ABCA4: variants seen among roughly 807,000 people sequenced by gnomAD.
ABCA4 encodes the protein ATP binding cassette subfamily A member 4.
A neutral mutation model predicts 263.7 loss-of-function variants in ABCA4; 196 were observed. That is an observed-to-expected ratio of 0.74 (90% CI 0.66 to 0.84). ABCA4 has a LOEUF of 0.84. ABCA4 is among the 40% of genes least tolerant of loss of function. ABCA4 has a pLI of 0.00. For missense variants in ABCA4, 2,792 were observed against 2,855.1 expected, an observed-to-expected ratio of 0.98 and a Z score of 0.50; for synonymous variants, 1,133 against 1,094.2, an observed-to-expected ratio of 1.04 and a Z score of -0.70.
At chr1:93,995,978 G>C in intron 49 of ABCA4, 131 bp downstream of exon 49, 1 of 750,656 alleles carries the variant, frequency 1.3e-6, no homozygotes, top group Non-Finnish European at 2.3e-6. Flanking sequence ...ACTTGGTAGG[G>C]ACCGTGGTGT....
chr1:94,042,098 CAAAAAAAAAAAAAA>C (rs11334956), intron 22 of ABCA4, among the ~76,000 whole-genome samples: 1 of 81,272 alleles, frequency 1.2e-5, no homozygotes, highest in Non-Finnish European at 2.3e-5. Flanking sequence ...GATTCTGTCT[CAAAAAAAAAAAAAA>C]AAAAAAAAGA....
intron 4 of ABCA4, among the ~76,000 whole-genome samples, chr1:94,107,286 G>A (rs1662460286): frequency 6.6e-6 from 1 of 152,100 alleles, no homozygotes; most frequent in Admixed American, 6.5e-5. Flanking sequence ...CCCGTTTCCT[G>A]GGCAATCTCC....
At chr1:94,046,258 C>T (rs1426483952) in intron 19 of ABCA4, among the ~76,000 whole-genome samples, 8 of 120,056 alleles carry the variant, frequency 6.7e-5, no homozygotes, top group Admixed American at 5.0e-4. Context: ...GCCTGGCCAA[C>T]ATGGTGAAAC....
intron 44 of ABCA4, 84 bp downstream of exon 44, chr1:94,005,357 T>C: frequency 6.5e-7 from 1 of 1,546,040 alleles, no homozygotes. Flanking sequence ...CGCTTCAGTT[T>C]CTCATCTCCA....
intron 37 of ABCA4, among the ~76,000 whole-genome samples, 163 bp from the exon 38 acceptor site, chr1:94,014,853 C>T (rs541233482): frequency 6.6e-6 from 1 of 152,336 alleles, no homozygotes; most frequent in South Asian, 2.1e-4. Flanking sequence ...CTCTGTGCCT[C>T]AACTTTAAAT....
chr1:94,044,094 TTTCCTTCC>T (rs1218365138), intron 20 of ABCA4, among the ~76,000 whole-genome samples: 5 of 12,156 alleles, frequency 4.1e-4, no homozygotes, highest in African/African-American at 4.9e-4. Context: ...CCCTCCCTTC[TTTCCTTCC>T]TTCCTTCCTT....
chr1:94,100,853 C>T (rs1049637351), intron 5 of ABCA4, among the ~76,000 whole-genome samples: 4 of 152,260 alleles, frequency 2.6e-5, no homozygotes, highest in Non-Finnish European at 4.4e-5. Context: ...ACGTTGCCAT[C>T]GTGATGGACA....
chr1:93,996,116 T>C lies in ABCA4; in HGVS notation c.6809A>G (p.Gln2270Arg). ...CATAAGCAGCAGGGGTACCTGGGCT[T>C]GTCGACTGGCTCCAGCAGCTCGAGG... The part of the protein sequence containing the change: ...LHPRAAGASR[Q>R]AQD Residue 2270 changes from glutamine to arginine, a missense_variant, in exon 49 of 50, where the codon CAA becomes CGA. Transcript: ENST00000370225. The C allele has an allele frequency of 6.2e-7, 1 of 1,613,952 alleles. No individual in the cohort carries two copies. The highest frequency in any genetic ancestry group is 8.5e-7 in the Non-Finnish European group (1 of 1,180,010).
chr1:94,044,868 T>A, intron 19 of ABCA4, 124 bp from the exon 20 acceptor site: 1 of 1,494,990 alleles, frequency 6.7e-7, no homozygotes, highest in Non-Finnish European at 9.3e-7. Flanking sequence ...TCAGTCAAAC[T>A]CAAACCCCTA....
chr1:94,097,610 A>G (rs181118722), intron 6 of ABCA4, among the ~76,000 whole-genome samples: 3 of 152,330 alleles, frequency 2.0e-5, no homozygotes, highest in African/African-American at 7.2e-5. Context: ...TGTGGCCTAC[A>G]ATGGTCTTCA....
At chr1:94,019,423 T>C in intron 36 of ABCA4, 159 bp downstream of exon 36, 1 of 789,708 alleles carries the variant, frequency 1.3e-6, no homozygotes, top group South Asian at 1.8e-5. Context: ...TCTGAGAAGA[T>C]GTCAAGGGAC....
chr1:94,061,958 C>T (rs968228601), intron 13 of ABCA4, among the ~76,000 whole-genome samples: 2 of 152,156 alleles, frequency 1.3e-5, no homozygotes, highest in African/African-American at 4.8e-5. Flanking sequence ...ACCCTCCACC[C>T]CGGCCCTTTC....
At chr1:94,059,089 T>C (rs1405345904) in intron 14 of ABCA4, among the ~76,000 whole-genome samples, 1 of 152,258 alleles carries the variant, frequency 6.6e-6, no homozygotes, top group Non-Finnish European at 1.5e-5. Flanking sequence ...GAAGACCTAA[T>C]GGCCCATTCT....
intron 43 of ABCA4, among the ~76,000 whole-genome samples, chr1:94,006,767 G>A (rs1045741839): frequency 6.6e-6 from 1 of 152,220 alleles, no homozygotes; most frequent in Non-Finnish European, 1.5e-5. Context: ...TGCTGAGGAT[G>A]GCTTTCAGGA....
At chr1:94,034,456 T>C (rs34541136) in intron 26 of ABCA4, among the ~76,000 whole-genome samples, 79,915 of 151,724 alleles carry the variant, frequency 0.53, 21,203 homozygotes, top group Middle Eastern at 0.56. Context: ...TAATGATGGT[T>C]TCACGTAGTA....
intron 43 of ABCA4, among the ~76,000 whole-genome samples, chr1:94,005,925 A>G (rs993654196): frequency 3.3e-5 from 5 of 152,260 alleles, no homozygotes; most frequent in Non-Finnish European, 7.3e-5. Context: ...AATAATTTTC[A>G]GACATTTGGG....
intron 36 of ABCA4, among the ~76,000 whole-genome samples, chr1:94,016,959 G>C (rs533621635): frequency 6.6e-6 from 1 of 152,206 alleles, no homozygotes; most frequent in East Asian, 1.9e-4. Flanking sequence ...GGAGGTCCAG[G>C]GGCATGAGGA....
intron 44 of ABCA4, among the ~76,000 whole-genome samples, chr1:94,003,309 T>C (rs1443362400): frequency 2.0e-5 from 3 of 152,192 alleles, no homozygotes; most frequent in African/African-American, 7.2e-5. Flanking sequence ...CCATAGCTCT[T>C]TCTTTGTCTT....
intron 5 of ABCA4, among the ~76,000 whole-genome samples, chr1:94,099,901 C>T (rs1662242711): frequency 6.6e-6 from 1 of 152,152 alleles, no homozygotes; most frequent in Non-Finnish European, 1.5e-5. Flanking sequence ...GTGATGGCCT[C>T]TCGAGGATCA....
Sources: gnomAD v4.1 joint callset for allele counts (sites outside exome capture counted in the v4.1 genomes callset) on GRCh38, gnomAD v4.1.1 for gene constraint, MANE v1.5 for transcripts, NCBI Gene and HGNC (gene_info 2026-07-23, HGNC 2026-07-21) for gene names.